The following CADPS variants were observed in gnomAD, a reference collection of about 807,000 sequenced individuals.
CADPS encodes calcium dependent secretion activator.
Under a neutral mutation model 167.3 loss-of-function variants are expected in CADPS, and 57 were observed. The ratio of observed to expected loss-of-function variants is 0.34; its 90% CI spans 0.28 to 0.42. CADPS has a LOEUF of 0.42. Among genes scored for constraint, CADPS ranks in the 20% least tolerant of loss-of-function variants. CADPS has a pLI of 1.00. For synonymous variants in CADPS, 676 were observed against 635.3 expected, an observed-to-expected ratio of 1.06 and a Z score of -0.96; for missense variants, 1,414 against 1,738.1, an observed-to-expected ratio of 0.81 and a Z score of 3.32.
At chr3:62,428,424 G>T (rs528392363) in intron 28 of CADPS, among the ~76,000 whole-genome samples, 1 of 147,920 alleles carries the variant, frequency 6.8e-6, no homozygotes, top group Non-Finnish European at 1.5e-5. Context: ...CTAACGTGCT[G>T]TTCCAGTTCC....
chr3:62,673,607 G>C (rs1379179053), intron 3 of CADPS, among the ~76,000 whole-genome samples: 1 of 152,230 alleles, frequency 6.6e-6, no homozygotes, highest in East Asian at 1.9e-4. Context: ...ATAACTTTCA[G>C]AATTATTTCA....
chr3:62,591,822 G>A (rs987755456), intron 7 of CADPS, among the ~76,000 whole-genome samples: 2 of 152,216 alleles, frequency 1.3e-5, no homozygotes, highest in African/African-American at 2.4e-5. Context: ...TTGGCACTGA[G>A]TGGGTGGGTC....
At chr3:62,797,429 A>G (rs140893528) in intron 1 of CADPS, among the ~76,000 whole-genome samples, 1 of 151,982 alleles carries the variant, frequency 6.6e-6, no homozygotes, top group East Asian at 1.9e-4. Context: ...ATCAACTCTC[A>G]CTCCACTTCA....
At chr3:62,450,454 A>G (rs1209570631) in intron 26 of CADPS, among the ~76,000 whole-genome samples, 1 of 152,214 alleles carries the variant, frequency 6.6e-6, no homozygotes, top group Admixed American at 6.5e-5. Context: ...CTGGTCTGGC[A>G]TCCCTCCTGA....
intron 27 of CADPS, among the ~76,000 whole-genome samples, chr3:62,441,465 C>T (rs2056303972): frequency 6.6e-6 from 1 of 152,172 alleles, no homozygotes; most frequent in Non-Finnish European, 1.5e-5. Flanking sequence ...TGCAAATCTC[C>T]TACATATACC....
chr3:62,727,720 A>AACC (rs2077006600), intron 3 of CADPS, among the ~76,000 whole-genome samples: 1 of 140,616 alleles, frequency 7.1e-6, no homozygotes, highest in African/African-American at 2.8e-5. Flanking sequence ...TGAGGGACAG[A>AACC]ACTACCATTC....
At chr3:62,706,096 C>T (rs6807676) in intron 3 of CADPS, among the ~76,000 whole-genome samples, 149,952 of 152,172 alleles carry the variant, frequency 0.99, 73,925 homozygotes, top group Middle Eastern at 1. Context: ...TGACAGCTTC[C>T]AGAGTGTGGC....
chr3:62,533,230 C>T (rs978520164), intron 12 of CADPS, among the ~76,000 whole-genome samples, 172 bp from the exon 13 acceptor site: 3 of 152,112 alleles, frequency 2.0e-5, no homozygotes, highest in African/African-American at 7.2e-5. Flanking sequence ...TTAGTCCTCA[C>T]AGTGGAACCT....
intron 3 of CADPS, among the ~76,000 whole-genome samples, chr3:62,742,815 A>C (rs2080573019): frequency 2.0e-5 from 3 of 152,188 alleles, no homozygotes; most frequent in Admixed American, 2.0e-4. Flanking sequence ...TAGCAAAACA[A>C]ACTATCAACA....
chr3:62,671,802 G>T (rs897147783), intron 3 of CADPS, among the ~76,000 whole-genome samples: 1 of 151,924 alleles, frequency 6.6e-6, no homozygotes, highest in Non-Finnish European at 1.5e-5. Context: ...TTGCTCTGTC[G>T]CCAGGCTGGA....
chr3:62,425,964 C>T (rs2052565995), intron 28 of CADPS, among the ~76,000 whole-genome samples: 1 of 152,166 alleles, frequency 6.6e-6, no homozygotes, highest in African/African-American at 2.4e-5. Flanking sequence ...TGGGATATTA[C>T]TTTAGTCTAA....
intron 4 of CADPS, among the ~76,000 whole-genome samples, chr3:62,661,482 G>T (rs1214098236): frequency 6.6e-6 from 1 of 152,170 alleles, no homozygotes; most frequent in African/African-American, 2.4e-5. Context: ...ATTCTCTGTA[G>T]TTGGACTCGG....
intron 28 of CADPS, among the ~76,000 whole-genome samples, chr3:62,407,526 G>C (rs1281872874): frequency 6.6e-6 from 1 of 152,082 alleles, no homozygotes; most frequent in Admixed American, 6.5e-5. Context: ...TTATTAGCTG[G>C]GTAACCTCAA....
chr3:62,790,516 A>G (rs934634401), intron 1 of CADPS, among the ~76,000 whole-genome samples: 5 of 152,158 alleles, frequency 3.3e-5, no homozygotes, highest in African/African-American at 1.2e-4. Flanking sequence ...TTCAGTGATT[A>G]CTGTCATTTA....
intron 3 of CADPS, among the ~76,000 whole-genome samples, chr3:62,735,408 C>T (rs13087697): frequency 0.077 from 11,734 of 152,136 alleles, 591 homozygotes; most frequent in Non-Finnish European, 0.11. Context: ...GGGAAGGAGA[C>T]TTCAACTGCA....
At chr3:62,509,479 T>G (rs1038402365) in intron 17 of CADPS, among the ~76,000 whole-genome samples, 3 of 151,910 alleles carry the variant, frequency 2.0e-5, no homozygotes, top group Non-Finnish European at 4.4e-5. Flanking sequence ...TGTTGGTGAG[T>G]TTTGCCAGCT....
At chr3:62,638,341 A>G (rs1283773735) in intron 6 of CADPS, among the ~76,000 whole-genome samples, 2 of 152,104 alleles carry the variant, frequency 1.3e-5, no homozygotes, top group African/African-American at 4.8e-5. Context: ...TAACTCTATG[A>G]CATTCTTTCC....
intron 9 of CADPS, among the ~76,000 whole-genome samples, chr3:62,563,486 TTCTA>T (rs10606964): frequency 0.023 from 3,483 of 152,350 alleles, 127 homozygotes; most frequent in African/African-American, 0.079. Flanking sequence ...GCCATGTTGG[TTCTA>T]TCTGAGTAAT....
At chr3:62,787,843 T>C (rs1209042355) in intron 1 of CADPS, among the ~76,000 whole-genome samples, 3 of 152,234 alleles carry the variant, frequency 2.0e-5, no homozygotes, top group Non-Finnish European at 2.9e-5. Flanking sequence ...GTTGTAGCTC[T>C]GTCTTTGGCA....
Sources: gnomAD v4.1 joint callset for allele counts (sites outside exome capture counted in the v4.1 genomes callset) on GRCh38, gnomAD v4.1.1 for gene constraint, MANE v1.5 for transcripts, NCBI Gene and HGNC (gene_info 2026-07-23, HGNC 2026-07-21) for gene names.